ACVR2A: variants seen among roughly 807,000 people sequenced by gnomAD.
ACVR2A encodes the protein activin A receptor type 2A, also known as activin receptor type-2A.
ACVR2A carries 7 observed loss-of-function variants against 61.4 expected under a neutral mutation model. The ratio of observed to expected loss-of-function variants is 0.11; its 90% CI spans 0.06 to 0.21. ACVR2A has a LOEUF of 0.21. Ranked by LOEUF, ACVR2A falls within the 10% of genes least tolerant of loss-of-function variation. ACVR2A has a pLI of 1.00. For missense variants in ACVR2A, 322 were observed against 621.7 expected, an observed-to-expected ratio of 0.52 and a Z score of 5.13; for synonymous variants, 193 against 208.3, an observed-to-expected ratio of 0.93 and a Z score of 0.63.
intron 1 of ACVR2A, among the ~76,000 whole-genome samples, chr2:147,890,704 T>A (rs1021745739): frequency 3.9e-5 from 6 of 152,204 alleles, no homozygotes; most frequent in African/African-American, 7.2e-5. Context: ...GGAGATGTCG[T>A]TAAAACTTAA....
At chr2:147,880,219 T>A (rs561893447) in intron 1 of ACVR2A, among the ~76,000 whole-genome samples, 106 of 152,054 alleles carry the variant, frequency 7.0e-4, no homozygotes, top group African/African-American at 1.9e-3. Context: ...TTAAAAAAAA[T>A]TTTTTATAGT....
At chr2:147,901,559 C>T (rs1310964438) in intron 4 of ACVR2A, among the ~76,000 whole-genome samples, 4 of 151,848 alleles carry the variant, frequency 2.6e-5, no homozygotes, top group African/African-American at 9.7e-5. Flanking sequence ...TGTGAGTATC[C>T]GTACATCTCT....
In ACVR2A at chr2:147,849,084, A is replaced by G. The variant is rs181200993; in HGVS notation, c.55+3877A>G. 7.2e-5 allele frequency among the ~76,000 whole-genome samples: 11 copies of G among 152,292 alleles called. No homozygotes were observed. In the East Asian group the frequency reaches 1.5e-3, roughly 21 times the overall value. ...ATGCTTGAGAATTCACCAGTATAGT[A>G]TAATATTTTATACTATAATAAAATA... On this transcript the variant is annotated intron_variant, in intron 1 of 10. Coordinates refer to ENST00000241416, the MANE Select transcript of ACVR2A (RefSeq NM_001616.5).
intron 1 of ACVR2A, among the ~76,000 whole-genome samples, chr2:147,890,976 A>G (rs557261313): frequency 2.0e-4 from 31 of 152,274 alleles, no homozygotes; most frequent in Middle Eastern, 3.4e-3. Context: ...CTAGAAAACC[A>G]TCCTTAATCC....
chr2:147,882,035 A>G (rs1046397426), intron 1 of ACVR2A, among the ~76,000 whole-genome samples: 2 of 152,150 alleles, frequency 1.3e-5, no homozygotes, highest in African/African-American at 4.8e-5. Context: ...TACCATTACA[A>G]ATTTGCCACT....
intron 4 of ACVR2A, chr2:147,902,948 T>TCAA (rs1181702011): frequency 6.6e-6 from 1 of 151,994 alleles, no homozygotes; most frequent in African/African-American, 2.4e-5. Flanking sequence ...ATTCTTTTTC[T>TCAA]TAGGGAGACT....
chr2:147,906,926 A>G (rs1237418879), intron 4 of ACVR2A, among the ~76,000 whole-genome samples: 1 of 151,442 alleles, frequency 6.6e-6, no homozygotes, highest in East Asian at 1.9e-4. Context: ...GCACCTATCA[A>G]CCCGTCAGCT....
chr2:147,903,897 G>A (rs1162187489), intron 4 of ACVR2A, among the ~76,000 whole-genome samples: 3 of 151,900 alleles, frequency 2.0e-5, no homozygotes, highest in Non-Finnish European at 4.4e-5. Context: ...TTCAGTAAGT[G>A]CTGAATTGCT....
chr2:147,923,728 C>T (rs1266992013), intron 9 of ACVR2A, among the ~76,000 whole-genome samples: 3 of 151,952 alleles, frequency 2.0e-5, no homozygotes, highest in Non-Finnish European at 4.4e-5. Flanking sequence ...AAGTATGTTG[C>T]AGCATTTTTT....
intron 1 of ACVR2A, among the ~76,000 whole-genome samples, chr2:147,870,221 G>T (rs556141809): frequency 1.3e-5 from 2 of 152,134 alleles, no homozygotes; most frequent in East Asian, 3.9e-4. Flanking sequence ...TTCTATAATC[G>T]TAAATGCCTG....
Position 147,930,312 on chromosome 2 carries a change from C to T in ACVR2A, c.*3038C>T, listed in dbSNP as rs1053213528. 1 of 148,446 alleles carries T rather than the reference C, an allele frequency of 6.7e-6. No individual in the cohort carries two copies. The highest frequency in any genetic ancestry group is 2.1e-4 in the South Asian group (1 of 4,688). The allele number at this position is 148,446 out of a possible 1,614,324, so 9.2% of individuals were successfully genotyped here. On this transcript the variant is annotated 3_prime_UTR_variant, in exon 11 of 11. Coordinates refer to ENST00000241416, the MANE Select transcript of ACVR2A (RefSeq NM_001616.5). The stretch of plus-strand genomic sequence containing the variant: ...GGTGGTAGGGGAAAAAAAACCATGG[C>T]GAGATGGTGGTTTAGTGGAATAAAC...
At chr2:147,880,046 T>A (rs1558800732) in intron 1 of ACVR2A, among the ~76,000 whole-genome samples, 1 of 152,192 alleles carries the variant, frequency 6.6e-6, no homozygotes, top group African/African-American at 2.4e-5. Context: ...TTTTACTGAT[T>A]AAGAGTGCTA....
upstream of ACVR2A, chr2:147,844,934 C>T: frequency 2.1e-6 from 1 of 469,780 alleles, no homozygotes; most frequent in Non-Finnish European, 3.6e-6. Context: ...GGTTTTTCCC[C>T]CGTGGTGCAT....
intron 8 of ACVR2A, among the ~76,000 whole-genome samples, chr2:147,922,113 A>C (rs1049492545): frequency 1.3e-5 from 2 of 152,128 alleles, no homozygotes; most frequent in African/African-American, 4.8e-5. Context: ...GCACAATTAA[A>C]ATAATTATTC....
rs777144025 is a variant in ACVR2A at position 147,896,309 on chromosome 2, C to A, written c.64C>A (p.Leu22Ile). 1.2e-6 allele frequency: 2 copies of A among 1,613,178 alleles called. No individual in the cohort carries two copies. The highest frequency in any genetic ancestry group is 1.7e-6 in the Non-Finnish European group (2 of 1,179,310). Residue 22 changes from leucine to isoleucine, a missense_variant, in exon 2 of 11, where the codon CTT becomes ATT. Transcript: ENST00000241416. ...FLISCSSGAILGRSETQECLF... is the reference protein window; with the variant it reads ...FLISCSSGAIIGRSETQECLF... The stretch of plus-strand genomic sequence containing the variant: ...TTTTTATTATCTTATAGGTGCTATA[C>A]TTGGTAGATCAGAAACTCAGGAGTG...
intron 1 of ACVR2A, among the ~76,000 whole-genome samples, chr2:147,848,201 TC>T (rs1685360141): frequency 6.6e-6 from 1 of 152,246 alleles, no homozygotes; most frequent in South Asian, 2.1e-4. Flanking sequence ...AGGCAGAATC[TC>T]TTATAAATGG....
In ACVR2A at chr2:147,873,284, T is replaced by C. The variant is rs191131870; in HGVS notation, c.56-23017T>C. Among the ~76,000 whole-genome samples the C allele has an allele frequency of 1.8e-4, 27 of 152,104 alleles. No individual in the cohort carries two copies. The East Asian group carries it at 5.0e-3, about 28-fold the overall frequency. On this transcript the variant is annotated intron_variant, in intron 1 of 10. Transcript: ENST00000241416. ...AAAAATGAAATTTCAGATTTTCTAG[T>C]AGCCACATTAAATGTTTTTAAAATA...
chr2:147,906,744 A>G (rs1392198197), intron 4 of ACVR2A, among the ~76,000 whole-genome samples: 1 of 151,796 alleles, frequency 6.6e-6, no homozygotes, highest in Non-Finnish European at 1.5e-5. Context: ...ATCAGGCACT[A>G]TACAGATCAC....
chr2:147,918,976 C>T (rs1687317648), intron 7 of ACVR2A, among the ~76,000 whole-genome samples: 1 of 151,980 alleles, frequency 6.6e-6, no homozygotes, highest in Non-Finnish European at 1.5e-5. Flanking sequence ...TTTTGAATGA[C>T]CTTATCTGTA....
Sources: gnomAD v4.1 joint callset for allele counts (sites outside exome capture counted in the v4.1 genomes callset) on GRCh38, gnomAD v4.1.1 for gene constraint, MANE v1.5 for transcripts, NCBI Gene and HGNC (gene_info 2026-07-23, HGNC 2026-07-21) for gene names.